SLC24A3: variants seen among roughly 807,000 people sequenced by gnomAD.
The protein encoded by SLC24A3 is sodium/potassium/calcium exchanger 3.
SLC24A3 carries 28 observed loss-of-function variants against 75.8 expected under a neutral mutation model. The observed-to-expected ratio is 0.37, with a 90% CI of 0.27 to 0.51. The LOEUF (loss-of-function observed/expected upper bound fraction) is 0.51, where lower values mean the gene tolerates loss of function less well. SLC24A3 is among the 20% of genes least tolerant of loss of function. The probability of loss-of-function intolerance (pLI) is 0.94; values close to 1 mark genes in which losing one functional copy is unlikely to be tolerated. For synonymous variants in SLC24A3, 372 were observed against 334.1 expected, an observed-to-expected ratio of 1.11 and a Z score of -1.24; for missense variants, 663 against 847.8, an observed-to-expected ratio of 0.78 and a Z score of 2.71.
chr20:19,545,548 G>C (rs374966359), intron 3 of SLC24A3, among the ~76,000 whole-genome samples: 2 of 152,304 alleles, frequency 1.3e-5, no homozygotes, highest in East Asian at 3.9e-4. Context: ...CCTGGGAAGA[G>C]AGTGATGTTA....
intron 6 of SLC24A3, among the ~76,000 whole-genome samples, chr20:19,609,053 GA>G (rs1165188273): frequency 6.6e-6 from 1 of 152,068 alleles, no homozygotes; most frequent in Non-Finnish European, 1.5e-5. Flanking sequence ...AATTGAGGAA[GA>G]AAAAAAGTCA....
At chr20:19,678,177 C>CA (rs2032551474) in intron 9 of SLC24A3, among the ~76,000 whole-genome samples, 1 of 151,182 alleles carries the variant, frequency 6.6e-6, no homozygotes, top group Non-Finnish European at 1.5e-5. Context: ...TTCTATTCCA[C>CA]AAAACCGCCA....
chr20:19,598,906 A>G (rs6136783), intron 6 of SLC24A3, among the ~76,000 whole-genome samples: 3,606 of 64,106 alleles, frequency 0.056, 84 homozygotes, highest in Admixed American at 0.12. Context: ...ATATGTATAT[A>G]CACACACACA....
At chr20:19,649,101 G>T (rs1204706182) in intron 6 of SLC24A3, among the ~76,000 whole-genome samples, 1 of 152,230 alleles carries the variant, frequency 6.6e-6, no homozygotes, top group East Asian at 1.9e-4. Context: ...AAGGGCTACA[G>T]AAGGTGACCT....
chr20:19,569,649 A>AGGG (rs1405782136), intron 3 of SLC24A3, among the ~76,000 whole-genome samples: 2 of 152,076 alleles, frequency 1.3e-5, no homozygotes, highest in Admixed American at 6.5e-5. Context: ...GGGCAGGAGG[A>AGGG]GTGAGAGGCC....
chr20:19,310,506 G>A (rs2122260063), intron 2 of SLC24A3, among the ~76,000 whole-genome samples: 2 of 152,334 alleles, frequency 1.3e-5, no homozygotes, highest in Middle Eastern at 6.8e-3. Flanking sequence ...ATCAGGGCAG[G>A]AATTCCATGA....
chr20:19,273,135 C>A (rs746365909), intron 1 of SLC24A3, among the ~76,000 whole-genome samples: 7 of 152,212 alleles, frequency 4.6e-5, no homozygotes, highest in Non-Finnish European at 7.3e-5. Flanking sequence ...TTTGGGCCAT[C>A]CCTTGTTCCC....
intron 2 of SLC24A3, among the ~76,000 whole-genome samples, chr20:19,382,209 C>G (rs1040406568): frequency 2.6e-5 from 4 of 152,086 alleles, no homozygotes; most frequent in African/African-American, 9.7e-5. Context: ...ATTCATATGC[C>G]AGGGCCTACA....
chr20:19,276,415 G>A (rs1272978879), intron 1 of SLC24A3, among the ~76,000 whole-genome samples: 1 of 152,162 alleles, frequency 6.6e-6, no homozygotes, highest in Non-Finnish European at 1.5e-5. Context: ...ACTGTTAGGC[G>A]ATTTTGTTCT....
chr20:19,512,913 C>T (rs1057500724), intron 2 of SLC24A3, among the ~76,000 whole-genome samples: 7 of 152,222 alleles, frequency 4.6e-5, no homozygotes, highest in African/African-American at 1.7e-4. Flanking sequence ...CACACGATTC[C>T]TTTGCTTGGC....
intron 1 of SLC24A3, among the ~76,000 whole-genome samples, chr20:19,218,314 A>T (rs1329207318): frequency 6.6e-6 from 1 of 152,156 alleles, no homozygotes; most frequent in Non-Finnish European, 1.5e-5. Context: ...CGATATCATT[A>T]CCCATTTCTC....
intron 2 of SLC24A3, among the ~76,000 whole-genome samples, chr20:19,340,470 C>T (rs879893887): frequency 2.6e-5 from 4 of 152,164 alleles, no homozygotes; most frequent in Non-Finnish European, 5.9e-5. Flanking sequence ...ATGGTTTAAG[C>T]CAATCAGTCT....
At chr20:19,535,640 A>G (rs916524372) in intron 3 of SLC24A3, among the ~76,000 whole-genome samples, 2 of 152,174 alleles carry the variant, frequency 1.3e-5, no homozygotes, top group Admixed American at 6.5e-5. Flanking sequence ...CACATTTTTT[A>G]TAAGAGAGTC....
chr20:19,668,425 C>T (rs1019031097), intron 8 of SLC24A3, among the ~76,000 whole-genome samples: 17 of 152,300 alleles, frequency 1.1e-4, no homozygotes, highest in Admixed American at 3.3e-4. Context: ...AATTAAAGCA[C>T]AGTAACATTT....
chr20:19,452,472 G>A (rs1987503691), intron 2 of SLC24A3, among the ~76,000 whole-genome samples: 1 of 151,218 alleles, frequency 6.6e-6, no homozygotes. Flanking sequence ...GAAAGGAAGG[G>A]AGAATGTGAG....
At chr20:19,433,236 G>C (rs952446707) in intron 2 of SLC24A3, among the ~76,000 whole-genome samples, 1 of 152,106 alleles carries the variant, frequency 6.6e-6, no homozygotes, top group Non-Finnish European at 1.5e-5. Flanking sequence ...CCAAATCCTC[G>C]TACATAAAAC....
chr20:19,592,838 C>T (rs1009634670), intron 6 of SLC24A3, among the ~76,000 whole-genome samples: 21 of 147,320 alleles, frequency 1.4e-4, no homozygotes, highest in Non-Finnish European at 7.4e-5. Flanking sequence ...CTGCGTTGCC[C>T]ATGCTGGAGT....
At chr20:19,580,887 C>T (rs1456729808) in intron 4 of SLC24A3, among the ~76,000 whole-genome samples, 1 of 152,198 alleles carries the variant, frequency 6.6e-6, no homozygotes, top group Non-Finnish European at 1.5e-5. Context: ...TGTGTCTTCC[C>T]TTTCCTTCTC....
At chr20:19,542,338 T>C (rs767865580) in intron 3 of SLC24A3, among the ~76,000 whole-genome samples, 4 of 152,252 alleles carry the variant, frequency 2.6e-5, no homozygotes, top group Non-Finnish European at 5.9e-5. Context: ...TTTTGAAATC[T>C]GTCTCTGGAC....
Sources: gnomAD v4.1 joint callset for allele counts (sites outside exome capture counted in the v4.1 genomes callset) on GRCh38, gnomAD v4.1.1 for gene constraint, MANE v1.5 for transcripts, NCBI Gene and HGNC (gene_info 2026-07-23, HGNC 2026-07-21) for gene names.